The following CDKL4 variants were observed in gnomAD, a reference collection of about 807,000 sequenced individuals.
CDKL4 encodes cyclin-dependent kinase-like 4.
CDKL4 carries 44 observed loss-of-function variants against 42.0 expected under a neutral mutation model. That is an observed-to-expected ratio of 1.05 (90% CI 0.82 to 1.35). The LOEUF is 1.35. Among genes scored for constraint, CDKL4 ranks in the 40% most tolerant of loss-of-function variants. The probability of loss-of-function intolerance (pLI) is 0.00; values close to 1 mark genes in which losing one functional copy is unlikely to be tolerated. For synonymous variants in CDKL4, 120 were observed against 121.6 expected (o/e 0.99, Z 0.09); for missense variants, 393 against 369.9 (o/e 1.06, Z -0.51).
chr2:39,178,548 T>C lies in CDKL4; in HGVS notation c.927+639A>G, dbSNP rs753800896. The C allele has an allele frequency of 1.3e-5, 20 of 1,550,810 alleles. No individual in the cohort carries two copies. In the South Asian group the frequency reaches 1.9e-4, roughly 15 times the overall value. On this transcript the variant is annotated intron_variant, in intron 9 of 9. Transcript: ENST00000451199. ...AAAACAAACCTATTTCCATGGAGTT[T>C]ACGATTTAACTTCAAAGTTTTCTGA...
chr2:39,223,457 T>A (rs1678497017), intron 3 of CDKL4, among the ~76,000 whole-genome samples: 1 of 152,084 alleles, frequency 6.6e-6, no homozygotes, highest in South Asian at 2.1e-4. Flanking sequence ...GGTATAATAA[T>A]TTTTGAAAAA....
chr2:39,183,211 C>T (rs1177350739), intron 8 of CDKL4, among the ~76,000 whole-genome samples: 1 of 151,398 alleles, frequency 6.6e-6, no homozygotes, highest in East Asian at 1.9e-4. Context: ...ACCTGGTTGG[C>T]GGAGGTTACA....
intron 9 of CDKL4, chr2:39,178,977 T>A (rs145710547): frequency 2.1e-6 from 3 of 1,438,560 alleles, no homozygotes; most frequent in East Asian, 5.0e-5. Flanking sequence ...TCAGGTGTGT[T>A]TGGAATAAGA....
intron 8 of CDKL4, among the ~76,000 whole-genome samples, chr2:39,181,477 G>A (rs4670918): frequency 0.058 from 8,769 of 152,102 alleles, 415 homozygotes; most frequent in South Asian, 0.16. Context: ...AGACCTGCAG[G>A]TGCAACTGCT....
intron 9 of CDKL4, among the ~76,000 whole-genome samples, chr2:39,177,215 CA>C (rs756871339): frequency 3.3e-5 from 5 of 152,058 alleles, no homozygotes; most frequent in Admixed American, 2.0e-4. Context: ...GGAAGGGTAG[CA>C]CAGCTGTAAA....
At chr2:39,204,659 T>C (rs779209753) in intron 4 of CDKL4, 42 bp from the exon 5 acceptor site, 134 of 1,113,906 alleles carry the variant, frequency 1.2e-4, no homozygotes, top group South Asian at 9.3e-5. Context: ...ACCATCAAAA[T>C]GACAAAGAAT....
upstream of CDKL4, among the ~76,000 whole-genome samples, chr2:39,245,682 A>C (rs186864652): frequency 1.3e-5 from 2 of 152,344 alleles, no homozygotes; most frequent in East Asian, 3.9e-4. Flanking sequence ...GAGCACTGAA[A>C]AACAGCACAC....
At chr2:39,213,427 T>C in exon 4 of CDKL4, 2 of 1,609,246 alleles carry the variant, frequency 1.2e-6, no homozygotes, top group Non-Finnish European at 1.7e-6. Context: ...AATTAAGAGC[T>C]TGAAGTGTTT....
chr2:39,204,940 A>C (rs1282511225), intron 4 of CDKL4, among the ~76,000 whole-genome samples: 5 of 151,510 alleles, frequency 3.3e-5, no homozygotes, highest in Non-Finnish European at 5.9e-5. Context: ...GCACTTTGTG[A>C]GGCCGAGGCG....
intron 2 of CDKL4, among the ~76,000 whole-genome samples, chr2:39,226,515 T>G (rs1678756550): frequency 6.8e-6 from 1 of 147,230 alleles, no homozygotes; most frequent in South Asian, 2.1e-4. Flanking sequence ...TCTTTGATTC[T>G]GTTGTTCTCT....
chr2:39,235,304 G>A (rs1164061481), intron 1 of CDKL4, among the ~76,000 whole-genome samples: 1 of 152,128 alleles, frequency 6.6e-6, no homozygotes, highest in Non-Finnish European at 1.5e-5. Context: ...TTTATGGTGA[G>A]CATTTAATAT....
intron 4 of CDKL4, among the ~76,000 whole-genome samples, chr2:39,208,102 A>T (rs550625410): frequency 6.6e-6 from 1 of 152,186 alleles, no homozygotes; most frequent in South Asian, 2.1e-4. Context: ...ACTCTGTCTC[A>T]AAATAAATAA....
chr2:39,208,863 T>C (rs1212127178), intron 4 of CDKL4, among the ~76,000 whole-genome samples: 1 of 152,184 alleles, frequency 6.6e-6, no homozygotes, highest in Non-Finnish European at 1.5e-5. Flanking sequence ...TTTTATTATC[T>C]GAGAAATTTA....
At chr2:39,208,546 T>C (rs1052026480) in intron 4 of CDKL4, among the ~76,000 whole-genome samples, 1 of 152,106 alleles carries the variant, frequency 6.6e-6, no homozygotes, top group African/African-American at 2.4e-5. Context: ...TTTCGCCATG[T>C]TGGCCAGGCT....
chr2:39,181,942 G>A (rs1262665784), intron 8 of CDKL4, among the ~76,000 whole-genome samples: 5 of 151,904 alleles, frequency 3.3e-5, no homozygotes, highest in South Asian at 2.1e-4. Context: ...AAGTCCTATC[G>A]GTTTTCCTTT....
In CDKL4 at chr2:39,200,120, G is replaced by A. The variant is rs7604826; in HGVS notation, c.454+4407C>T. Among the ~76,000 whole-genome samples, 222 of 152,080 alleles carry A rather than the reference G, an allele frequency of 1.5e-3. 2 individuals are homozygous for A. The highest frequency in any genetic ancestry group is 4.7e-3 in the African/African-American group (195 of 41,522). On this transcript the variant is annotated intron_variant, in intron 5 of 9. Transcript: ENST00000451199. ...ACTCCTTCAAAAAGCTCCTAGAACT[G>A]GTAAATGAATTCAGCAAAATTTTAG...
At chr2:39,228,680 A>G (rs943191760) in intron 2 of CDKL4, among the ~76,000 whole-genome samples, 2 of 152,122 alleles carry the variant, frequency 1.3e-5, no homozygotes, top group African/African-American at 4.8e-5. Flanking sequence ...GGGGATTCCA[A>G]TGCATATTAA....
chr2:39,176,370 G>C (rs1170741932), intron 9 of CDKL4, among the ~76,000 whole-genome samples: 2 of 152,154 alleles, frequency 1.3e-5, no homozygotes, highest in Non-Finnish European at 2.9e-5. Flanking sequence ...TTAAAAGGTA[G>C]ATGCCCATCA....
At chr2:39,243,612 G>A (rs1037023509) in intron 1 of CDKL4, among the ~76,000 whole-genome samples, 8 of 152,296 alleles carry the variant, frequency 5.3e-5, no homozygotes, top group Admixed American at 1.3e-4. Context: ...CGCCTTGCGC[G>A]CTCCTCGGCC....
Sources: gnomAD v4.1 joint callset for allele counts (sites outside exome capture counted in the v4.1 genomes callset) on GRCh38, gnomAD v4.1.1 for gene constraint, MANE v1.5 for transcripts, NCBI Gene and HGNC (gene_info 2026-07-23, HGNC 2026-07-21) for gene names.